The following ZHX3 variants were observed in gnomAD, a reference collection of about 807,000 sequenced individuals.
The protein encoded by ZHX3 is zinc fingers and homeoboxes 3, also known as zinc fingers and homeoboxes protein 3.
Under a neutral mutation model 64.5 loss-of-function variants are expected in ZHX3, and 20 were observed. The ratio of observed to expected loss-of-function variants is 0.31; its 90% CI spans 0.22 to 0.45. The LOEUF is 0.45. Among genes scored for constraint, ZHX3 ranks in the 20% least tolerant of loss-of-function variants. The pLI is 1.00. For missense variants in ZHX3, 1,041 were observed against 1,195.8 expected, an observed-to-expected ratio of 0.87 and a Z score of 1.91; for synonymous variants, 423 against 461.6, an observed-to-expected ratio of 0.92 and a Z score of 1.07.
At chr20:41,311,239 T>C (rs1416914997) in intron 1 of ZHX3, among the ~76,000 whole-genome samples, 1 of 152,236 alleles carries the variant, frequency 6.6e-6, no homozygotes, top group Non-Finnish European at 1.5e-5. Flanking sequence ...TTGAGGATTT[T>C]TTTTTCTCCT....
At position 41,203,187 on chromosome 20, in the gene ZHX3, G is replaced by A; in HGVS notation, c.1730C>T (p.Ser577Phe). The A allele has an allele frequency of 1.9e-6, 3 of 1,614,146 alleles. No homozygotes were observed. Among genetic ancestry groups the A allele is most frequent in the Non-Finnish European group, 2.5e-6 (3 of 1,180,036 alleles). Reference protein sequence around the residue: ...IIDSVPEVSFSPSSKVPEVTC... With the variant: ...IIDSVPEVSFFPSSKVPEVTC... ...TACCTCAGGGACCTTGGACGATGGG[G>A]AGAAGGACACCTCTGGCACAGAGTC... Residue 577 changes from serine (S) to phenylalanine (F), a missense_variant, in exon 3 of 4, where the codon TCC (serine) becomes TTC (phenylalanine). Coordinates refer to ENST00000683867, the MANE Select transcript of ZHX3 (RefSeq NM_001384317.1). The surrounding 1 kb of genome is among the most constrained non-coding windows in gnomAD (Gnocchi z 7.1).
chr20:41,301,568 T>C (rs6029619), intron 1 of ZHX3, among the ~76,000 whole-genome samples: 27,184 of 152,086 alleles, frequency 0.18, 4,025 homozygotes, highest in African/African-American at 0.41. Flanking sequence ...TACCAGGAAC[T>C]AGTCCTAGGC....
chr20:41,309,520 A>G (rs556831146), intron 1 of ZHX3, among the ~76,000 whole-genome samples: 17 of 152,174 alleles, frequency 1.1e-4, no homozygotes, highest in African/African-American at 1.7e-4. Flanking sequence ...ACAATACTAC[A>G]TGCCTCTAGT....
At chr20:41,302,630 A>C (rs1568964119) in intron 1 of ZHX3, among the ~76,000 whole-genome samples, 2 of 152,142 alleles carry the variant, frequency 1.3e-5, no homozygotes, top group African/African-American at 4.8e-5. Context: ...ATTCTCAACC[A>C]TCTCTCTTTT....
intron 1 of ZHX3, among the ~76,000 whole-genome samples, chr20:41,314,709 A>G (rs546401023): frequency 6.6e-6 from 1 of 152,330 alleles, no homozygotes; most frequent in Admixed American, 6.5e-5. Context: ...CACTTTGTAA[A>G]ATTCTTCTCA....
At chr20:41,210,340 T>C (rs1258940955) in intron 2 of ZHX3, among the ~76,000 whole-genome samples, 14 of 152,204 alleles carry the variant, frequency 9.2e-5, no homozygotes, top group Non-Finnish European at 2.1e-4. Context: ...AGCCATCCCA[T>C]TACTGGGCAT....
rs1421128820 is a variant in ZHX3, at chr20:41,202,820, C to T, written c.2097G>A (p.Glu699=). 1 of 1,614,180 alleles carries T rather than the reference C, an allele frequency of 6.2e-7. No homozygotes were observed. Among genetic ancestry groups the T allele is most frequent in the South Asian group, 1.1e-5 (1 of 91,074 alleles). ...AGCCATTTTCACCAGAGACCCTTAG[C>T]TCACTGGCCAAATCCTCTTCTCCAC... ...DEGGEEDLAS[E]LRVSGENGSL... Residue 699 remains glutamate, a synonymous_variant, in exon 3 of 4, where the codon GAG becomes GAA. Coordinates refer to ENST00000683867, the MANE Select transcript of ZHX3 (RefSeq NM_001384317.1). This position sits in a 1 kb window ranked among gnomAD's most constrained non-coding sequence, Gnocchi z 7.0.
Position 41,180,674 on chromosome 20 carries a change from G to A in ZHX3, c.*4517C>T, listed in dbSNP as rs1335158315. On this transcript the variant is annotated 3_prime_UTR_variant, in exon 4 of 4. Transcript: ENST00000683867. The stretch of plus-strand genomic sequence containing the variant: ...CAAGTGCAGACGCTCGGTGAGTTCA[G>A]AGACCACTTGGTTAGCCCTGCCCCA... The A allele has an allele frequency of 6.6e-6, 1 of 152,196 alleles. No homozygotes were observed. Among genetic ancestry groups the A allele is most frequent in the Admixed American group, 6.5e-5 (1 of 15,274 alleles). The allele number at this position is 152,196 out of a possible 1,614,324, so 9.4% of individuals were successfully genotyped here. A position where few individuals can be genotyped will look rare whatever the true frequency, so the allele number is the denominator to read the frequency against.
Position 41,204,684 on chromosome 20 carries a change from G to A in ZHX3, c.233C>T (p.Ser78Phe), listed in dbSNP as rs150841576. ...GGATCTGAAATCGCAGTATTTACAG[G>A]AATATAAATAGCCATCTAAAGTGCT... The part of the protein sequence containing the change: ...HRSTLDGYLY[S>F]CKYCDFRSHD... The change falls in exon 3 of 4, where the codon TCC (serine) becomes TTC (phenylalanine). Residue 78 changes from serine to phenylalanine, a missense_variant. Ser to Phe is a radical substitution (Grantham distance 155). Around this residue, in one of 4 missense-constraint regions of ZHX3, gnomAD observed 358 missense variants for 369.1 expected, o/e 0.97. Transcript: ENST00000683867. This position sits in a 1 kb window ranked among gnomAD's most constrained non-coding sequence, Gnocchi z 6.6. The A allele has an allele frequency of 1.5e-3, 2,392 of 1,614,224 alleles. 4 individuals are homozygous for A. Among genetic ancestry groups the A allele is most frequent in the Non-Finnish European group, 1.9e-3 (2,223 of 1,180,044 alleles).
Position 41,204,958 on chromosome 20 carries a change from A to G in ZHX3, c.-42T>C. ...TGATCAGCAGTTGAGAGCTTGTCCC[A>G]TAAGGGGCCTAACAATACAAGTTCC... On this transcript the variant is annotated 5_prime_UTR_variant, in exon 3 of 4. It removes an upstream start codon present in the reference 5' UTR. Transcript: ENST00000683867. This position sits in a 1 kb window ranked among gnomAD's most constrained non-coding sequence, Gnocchi z 6.6. The G allele has an allele frequency of 1.2e-5, 18 of 1,505,734 alleles. No individual in the cohort carries two copies. Among genetic ancestry groups the G allele is most frequent in the East Asian group, 2.3e-5 (1 of 43,566 alleles). 93.3% of individuals were successfully genotyped at this position (1,505,734 alleles called of 1,614,324 possible). A position where few individuals can be genotyped will look rare whatever the true frequency, so the allele number is the denominator to read the frequency against.
chr20:41,295,591 G>T (rs1288001424), intron 1 of ZHX3, among the ~76,000 whole-genome samples: 9 of 152,136 alleles, frequency 5.9e-5, no homozygotes, highest in Non-Finnish European at 1.2e-4. Flanking sequence ...AGCCAGCCAG[G>T]CGCGGTGGCT....
Position 41,201,927 on chromosome 20 carries a change from G to GGC in ZHX3, c.2860+128_2860+129dup. ...TGCTAGTTGTCCTCTGAAGCAGCCA[G>GGC]GCGGTTAATGCTGCTGCCAGGCAGC... On this transcript the variant is annotated intron_variant, in intron 3 of 3. Transcript: ENST00000683867. The surrounding 1 kb of genome is among the most constrained non-coding windows in gnomAD (Gnocchi z 5.0). 1 of 1,148,228 alleles carries GGC rather than the reference G, an allele frequency of 8.7e-7. No homozygotes were observed. Among genetic ancestry groups the GGC allele is most frequent in the Non-Finnish European group, 1.2e-6 (1 of 841,078 alleles). The allele number at this position is 1,148,228 out of a possible 1,614,324, so 71.1% of individuals were successfully genotyped here.
chr20:41,310,675 AAG>A (rs1363043419), intron 1 of ZHX3, among the ~76,000 whole-genome samples: 3 of 147,788 alleles, frequency 2.0e-5, no homozygotes, highest in African/African-American at 7.5e-5. Context: ...AAAGATGGGG[AAG>A]AGGTTTTTTT....
intron 2 of ZHX3, among the ~76,000 whole-genome samples, chr20:41,222,116 C>CA (rs2039983941): frequency 6.6e-6 from 1 of 152,186 alleles, no homozygotes; most frequent in Admixed American, 6.5e-5. Flanking sequence ...GGAAACTTGT[C>CA]AGACATCAAT....
chr20:41,258,522 C>T (rs1360291628), intron 2 of ZHX3, among the ~76,000 whole-genome samples: 1 of 152,136 alleles, frequency 6.6e-6, no homozygotes, highest in Non-Finnish European at 1.5e-5. Context: ...TTATCATTCA[C>T]GTTCTTGACA....
chr20:41,205,080 G>A lies in ZHX3; in HGVS notation c.-150-14C>T, dbSNP rs1253161499. ...TCCCTATTCAATCTAAGGAAAGGGA[G>A]AAAAAAATGATTAAGTTCTCTTAAG... On this transcript the variant is annotated splice_polypyrimidine_tract_variant and intron_variant, in intron 2 of 3. Coordinates refer to ENST00000683867, the MANE Select transcript of ZHX3 (RefSeq NM_001384317.1). 5.0e-6 allele frequency: 6 copies of A among 1,199,172 alleles called. No homozygotes were observed. The highest frequency in any genetic ancestry group is 6.5e-6 in the Non-Finnish European group (6 of 927,784). The allele number at this position is 1,199,172 out of a possible 1,614,324, so 74.3% of individuals were successfully genotyped here.
At chr20:41,300,488 T>A (rs1425180515) in intron 1 of ZHX3, among the ~76,000 whole-genome samples, 2 of 152,238 alleles carry the variant, frequency 1.3e-5, no homozygotes, top group African/African-American at 4.8e-5. Flanking sequence ...AAGCAATCTT[T>A]GTCCTAGATC....
chr20:41,201,475 C>T lies in ZHX3; in HGVS notation c.2860+582G>A, dbSNP rs1375337224. The T allele has an allele frequency of 1.7e-5, 16 of 966,658 alleles. No homozygotes were observed. Among genetic ancestry groups the T allele is most frequent in the Middle Eastern group, 3.8e-4 (1 of 2,612 alleles). The allele number at this position is 966,658 out of a possible 1,614,324, so 59.9% of individuals were successfully genotyped here. A position where few individuals can be genotyped will look rare whatever the true frequency, so the allele number is the denominator to read the frequency against. On this transcript the variant is annotated intron_variant, in intron 3 of 3. Coordinates refer to ENST00000683867, the MANE Select transcript of ZHX3 (RefSeq NM_001384317.1). The surrounding 1 kb of genome is among the most constrained non-coding windows in gnomAD (Gnocchi z 5.0). ...AATCTTCTATGATACATTTTGCTTT[C>T]GAGTACAATCCAGAGAAACTGAGGA...
chr20:41,245,184 T>A, intron 2 of ZHX3, among the ~76,000 whole-genome samples: 1 of 152,210 alleles, frequency 6.6e-6, no homozygotes, highest in East Asian at 1.9e-4. Context: ...CACAGCATCA[T>A]GTAATACCTA....
Sources: allele counts gnomAD v4.1 joint callset (sites outside exome capture counted in the v4.1 genomes callset), GRCh38; gene constraint gnomAD v4.1.1; regional missense constraint gnomAD v4.1.1; non-coding constraint Gnocchi (gnomAD v3.1); transcripts MANE v1.5; gene names NCBI Gene and HGNC (gene_info 2026-07-23, HGNC 2026-07-21).